Variants in MLLT10 observed in about 807,000 individuals in gnomAD.
MLLT10 encodes protein AF-10.
In MLLT10, 30 loss-of-function variants were observed where a neutral mutation model predicts 129.1. The observed-to-expected ratio is 0.23, with a 90% CI of 0.17 to 0.32. The LOEUF is 0.32. Ranked by LOEUF, MLLT10 falls within the 10% of genes least tolerant of loss-of-function variation. MLLT10 has a pLI of 1.00. For missense variants in MLLT10, 1,119 were observed against 1,268.3 expected (o/e 0.88, Z 1.79); for synonymous variants, 490 against 446.4 (o/e 1.10, Z -1.23).
At chr10:21,543,701 ACTG>A (rs1443202353) in intron 3 of MLLT10, among the ~76,000 whole-genome samples, 2 of 151,952 alleles carry the variant, frequency 1.3e-5, no homozygotes, top group Non-Finnish European at 2.9e-5. Context: ...CTGATCTCGA[ACTG>A]CTGACCTCCG....
chr10:21,730,747 AT>A (rs2057902872), intron 16 of MLLT10, among the ~76,000 whole-genome samples, 152 bp from the exon 17 acceptor site: 1 of 152,206 alleles, frequency 6.6e-6, no homozygotes, highest in Non-Finnish European at 1.5e-5. Flanking sequence ...AGGGTAGATT[AT>A]GGTTTTCTAA....
intron 11 of MLLT10, among the ~76,000 whole-genome samples, chr10:21,680,340 G>A (rs1262557771): frequency 1.3e-5 from 2 of 151,694 alleles, no homozygotes; most frequent in Non-Finnish European, 2.9e-5. Context: ...CAAGTAGCTC[G>A]GATTACAGGC....
intron 13 of MLLT10, among the ~76,000 whole-genome samples, chr10:21,696,839 G>C (rs1564666350): frequency 6.6e-6 from 1 of 151,992 alleles, no homozygotes; most frequent in Admixed American, 6.6e-5. Context: ...ACTCCACTCT[G>C]TTGTCTTTCA....
At chr10:21,606,071 T>TTA (rs981599110) in intron 5 of MLLT10, among the ~76,000 whole-genome samples, 41 of 152,210 alleles carry the variant, frequency 2.7e-4, no homozygotes, top group South Asian at 4.1e-4. Context: ...TTTTCATTAT[T>TTA]ATATCTGTTA....
intron 3 of MLLT10, among the ~76,000 whole-genome samples, chr10:21,552,388 C>CTTTTT (rs1225893534): frequency 2.0e-4 from 22 of 112,098 alleles, no homozygotes; most frequent in African/African-American, 2.5e-4. Flanking sequence ...CTTCTTATTG[C>CTTTTT]TTTTTTTTTT....
At position 21,728,628 on chromosome 10, in the gene MLLT10, T is replaced by G. The variant is rs749226309; in HGVS notation, c.2063+700T>G. On this transcript the variant is annotated intron_variant, in intron 16 of 22. Coordinates refer to ENST00000307729, the MANE Select transcript of MLLT10 (RefSeq NM_001195626.3). ...CTTTGTTTTCTCCATGTTCTCTAAT[T>G]TAGGAACCCTCCCTCAAGCATGGTG... 6.6e-5 allele frequency among the ~76,000 whole-genome samples: 10 copies of G among 152,256 alleles called. 1 individual carries two copies. The highest frequency in any genetic ancestry group is 3.4e-3 in the Middle Eastern group (1 of 294).
At chr10:21,684,384 A>G (rs898605581) in intron 13 of MLLT10, among the ~76,000 whole-genome samples, 2 of 152,168 alleles carry the variant, frequency 1.3e-5, no homozygotes, top group Admixed American at 6.5e-5. Flanking sequence ...TGAGTTGCAG[A>G]CTTATATTTC....
chr10:21,605,317 G>C (rs534863684), intron 5 of MLLT10, among the ~76,000 whole-genome samples: 2 of 152,250 alleles, frequency 1.3e-5, no homozygotes, highest in South Asian at 4.1e-4. Context: ...ATATTGTACT[G>C]ATGTGTATCA....
At chr10:21,639,929 G>C (rs1456501352) in intron 8 of MLLT10, among the ~76,000 whole-genome samples, 2 of 151,794 alleles carry the variant, frequency 1.3e-5, no homozygotes, top group African/African-American at 4.8e-5. Flanking sequence ...GGCAGGAAAG[G>C]TCCGAAAGAG....
intron 5 of MLLT10, among the ~76,000 whole-genome samples, chr10:21,608,866 G>T (rs1564500317): frequency 6.6e-6 from 1 of 152,004 alleles, no homozygotes; most frequent in Non-Finnish European, 1.5e-5. Flanking sequence ...CAACATCTGG[G>T]TACTCTCAAA....
chr10:21,675,264 A>G (rs922535745), intron 11 of MLLT10, among the ~76,000 whole-genome samples: 5 of 152,194 alleles, frequency 3.3e-5, no homozygotes, highest in Non-Finnish European at 7.3e-5. Flanking sequence ...AGGATTTATC[A>G]ATCTTAGCGT....
intron 13 of MLLT10, among the ~76,000 whole-genome samples, chr10:21,701,789 A>G (rs190623225): frequency 3.3e-5 from 5 of 152,124 alleles, no homozygotes; most frequent in Admixed American, 1.3e-4. Flanking sequence ...GGGTTTCACC[A>G]TGTTAGCCAG....
At chr10:21,587,982 A>G (rs1351882659) in intron 4 of MLLT10, among the ~76,000 whole-genome samples, 1 of 152,166 alleles carries the variant, frequency 6.6e-6, no homozygotes, top group Non-Finnish European at 1.5e-5. Context: ...TCTTTATACA[A>G]ATGGGTTAAT....
At position 21,566,896 on chromosome 10, in the gene MLLT10, C is replaced by T. The variant is rs547701768; in HGVS notation, c.241-19398C>T. ...TGGCATGATCTCGGCTCACCTCAACCTCCGCCTTCCGGGTTCAAGCGATTC... is the reference window on the plus strand; with the variant it reads ...TGGCATGATCTCGGCTCACCTCAACTTCCGCCTTCCGGGTTCAAGCGATTC... On this transcript the variant is annotated intron_variant, in intron 3 of 22. Transcript: ENST00000307729. Among the ~76,000 whole-genome samples the T allele has an allele frequency of 2.0e-5, 3 of 152,202 alleles. No homozygotes were observed. The East Asian group carries it at 5.8e-4, about 29-fold the overall frequency.
At chr10:21,581,338 G>A (rs1485082617) in intron 3 of MLLT10, among the ~76,000 whole-genome samples, 2 of 152,082 alleles carry the variant, frequency 1.3e-5, no homozygotes, top group Admixed American at 6.6e-5. Context: ...GAGCCACTGC[G>A]CCCAGCCATA....
At chr10:21,669,362 T>G (rs2051155018) in intron 9 of MLLT10, among the ~76,000 whole-genome samples, 1 of 152,182 alleles carries the variant, frequency 6.6e-6, no homozygotes, top group Non-Finnish European at 1.5e-5. Context: ...GCCAGCCATT[T>G]TGAAACTTTA....
intron 21 of MLLT10, 25 bp downstream of exon 21, chr10:21,735,260 C>T (rs2058268256): frequency 2.0e-6 from 3 of 1,511,608 alleles, no homozygotes; most frequent in Non-Finnish European, 2.8e-6. Context: ...TTGATAATAT[C>T]TTATTAGGAG....
rs2051301489 is a variant in MLLT10, at chr10:21,670,665, C to T, written c.1012C>T (p.Pro338Ser). The change falls in exon 10 of 23, where the codon CCA (proline) becomes TCA (serine). Residue 338 changes from proline (P) to serine (S), a missense_variant. Physicochemically the swap from Pro to Ser is moderately conservative, Grantham distance 74. Coordinates refer to ENST00000307729, the MANE Select transcript of MLLT10 (RefSeq NM_001195626.3). ...RGRKPGGGRN[P>S]GTTVSAASPF... ...AAGAAAGCCTGGTGGTGGAAGAAAT[C>T]CAGGAACAACTGTGTCAGCAGCTAG... The T allele has an allele frequency of 3.1e-6, 5 of 1,614,098 alleles. No homozygotes were observed. The African/African-American group carries it at 5.3e-5, about 17-fold the overall frequency.
At chr10:21,592,213 G>A (rs1047644637) in intron 4 of MLLT10, among the ~76,000 whole-genome samples, 6 of 151,958 alleles carry the variant, frequency 3.9e-5, no homozygotes, top group Non-Finnish European at 5.9e-5. Context: ...TTGTATGTTC[G>A]TTACATATTA....
Sources: gnomAD v4.1 joint callset for allele counts (sites outside exome capture counted in the v4.1 genomes callset) on GRCh38, gnomAD v4.1.1 for gene constraint, MANE v1.5 for transcripts, NCBI Gene and HGNC (gene_info 2026-07-23, HGNC 2026-07-21) for gene names.